Variants in RIMS1 observed in about 807,000 individuals in gnomAD.
RIMS1 encodes regulating synaptic membrane exocytosis protein 1.
RIMS1 carries 83 observed loss-of-function variants against 214.1 expected under a neutral mutation model. The observed-to-expected ratio is 0.39, with a 90% CI of 0.32 to 0.47. The LOEUF is 0.47. Among genes scored for constraint, RIMS1 ranks in the 20% least tolerant of loss-of-function variants. The pLI, the probability that RIMS1 is intolerant of heterozygous loss-of-function variation, is 0.99. For missense variants in RIMS1, 2,050 were observed against 2,161.8 expected (o/e 0.95, Z 1.03); for synonymous variants, 793 against 786.8 (o/e 1.01, Z -0.13).
intron 1 of RIMS1, among the ~76,000 whole-genome samples, chr6:71,936,200 G>A (rs1293028199): frequency 6.6e-6 from 1 of 151,302 alleles, no homozygotes; most frequent in Non-Finnish European, 1.5e-5. Flanking sequence ...GGTAGCGGGC[G>A]CCTGTAGTCC....
chr6:72,057,632 G>C (rs1001085227), intron 2 of RIMS1, among the ~76,000 whole-genome samples: 1 of 151,042 alleles, frequency 6.6e-6, no homozygotes, highest in Non-Finnish European at 1.5e-5. Context: ...TTCAGCCTCC[G>C]GAGTAGCTGG....
At chr6:72,330,313 GAAA>G (rs993972296) in intron 28 of RIMS1, among the ~76,000 whole-genome samples, 1 of 151,342 alleles carries the variant, frequency 6.6e-6, no homozygotes, top group East Asian at 2.0e-4. Context: ...AATTACTTCA[GAAA>G]AAAATAGGAG....
At chr6:72,212,015 A>G (rs1462515628) in intron 6 of RIMS1, among the ~76,000 whole-genome samples, 1 of 152,106 alleles carries the variant, frequency 6.6e-6, no homozygotes, top group East Asian at 1.9e-4. Flanking sequence ...GCATATGAAT[A>G]TTATTTAGGA....
At chr6:72,018,132 G>A (rs1396356616) in intron 2 of RIMS1, among the ~76,000 whole-genome samples, 1 of 151,394 alleles carries the variant, frequency 6.6e-6, no homozygotes, top group Non-Finnish European at 1.5e-5. Context: ...CTAGAAACAA[G>A]GATATTACTT....
At position 72,250,432 on chromosome 6, in the gene RIMS1, G is replaced by A. The variant is rs1296199869; in HGVS notation, c.2344G>A (p.Val782Ile). The change falls in exon 13 of 34, where the codon GTA becomes ATA. Residue 782 changes from valine to isoleucine, a missense_variant. This residue lies in a region of RIMS1 where 889 missense variants were observed against 885.5 expected (regional missense o/e 1.00). Coordinates refer to ENST00000521978, the MANE Select transcript of RIMS1 (RefSeq NM_014989.7). ...AGATGGACGTCCTCGAAATCCCTAT[G>A]TAAAAATGTATTTTCTTCCAGATAG... ...RVDGRPRNPYVKMYFLPDRSD... is the reference protein window; with the variant it reads ...RVDGRPRNPYIKMYFLPDRSD... The A allele has an allele frequency of 3.1e-6, 5 of 1,597,772 alleles. No homozygotes were observed. The highest frequency in any genetic ancestry group is 4.3e-6 in the Non-Finnish European group (5 of 1,169,484).
At chr6:72,114,089 C>T (rs1159809491) in intron 4 of RIMS1, among the ~76,000 whole-genome samples, 2 of 152,058 alleles carry the variant, frequency 1.3e-5, no homozygotes, top group Middle Eastern at 3.4e-3. Flanking sequence ...TGTAGAAACT[C>T]ATTGTTGAAC....
chr6:72,371,062 C>T (rs1307974863), intron 29 of RIMS1, among the ~76,000 whole-genome samples: 1 of 152,082 alleles, frequency 6.6e-6, no homozygotes, highest in Non-Finnish European at 1.5e-5. Context: ...TATTTGTCAA[C>T]TCTGATCAAA....
intron 27 of RIMS1, among the ~76,000 whole-genome samples, chr6:72,311,529 T>G (rs1302833257): frequency 6.6e-6 from 1 of 152,180 alleles, no homozygotes; most frequent in Non-Finnish European, 1.5e-5. Flanking sequence ...ATAGCTCAGT[T>G]TAGATATAAT....
rs753599872 is a variant in RIMS1, at chr6:72,313,597, G to A, written c.4055G>A (p.Arg1352Gln). ...GTCAGTGATGTTTCCGCCATTTCCC[G>A]AACCAGCAGTGCCTCACGCCTCAGC... ...SDVSDVSAIS[R>Q]TSSASRLSST... The change falls in exon 28 of 34, where the codon CGA (arginine) becomes CAA (glutamine). Residue 1352 changes from arginine (R) to glutamine (Q), a missense_variant. Arg to Gln is a conservative substitution (Grantham distance 43). Transcript: ENST00000521978. 18 of 1,613,504 alleles carry A rather than the reference G, an allele frequency of 1.1e-5. No homozygotes were observed. Among genetic ancestry groups the A allele is most frequent in the East Asian group, 4.5e-5 (2 of 44,880 alleles).
intron 28 of RIMS1, among the ~76,000 whole-genome samples, chr6:72,327,423 G>C (rs1243087788): frequency 6.6e-6 from 1 of 151,604 alleles, no homozygotes; most frequent in Non-Finnish European, 1.5e-5. Flanking sequence ...CAGTTGATGG[G>C]CATTTGTTTT....
intron 1 of RIMS1, among the ~76,000 whole-genome samples, chr6:71,933,114 G>A (rs1404635408): frequency 6.6e-6 from 1 of 152,148 alleles, no homozygotes; most frequent in Non-Finnish European, 1.5e-5. Flanking sequence ...GAATGGGAGA[G>A]TGGGGAGTAA....
chr6:72,067,806 A>G (rs1235688189), intron 2 of RIMS1, among the ~76,000 whole-genome samples: 2 of 152,224 alleles, frequency 1.3e-5, no homozygotes, highest in African/African-American at 4.8e-5. Context: ...CTCTTTTCCA[A>G]TGATACACAT....
intron 26 of RIMS1, among the ~76,000 whole-genome samples, chr6:72,293,481 T>G (rs2093693012): frequency 6.6e-6 from 1 of 151,938 alleles, no homozygotes; most frequent in Non-Finnish European, 1.5e-5. Context: ...TATCTATTCA[T>G]GAGCTCCTGT....
chr6:72,253,964 C>G (rs565488740), intron 16 of RIMS1, among the ~76,000 whole-genome samples: 34 of 152,248 alleles, frequency 2.2e-4, no homozygotes, highest in African/African-American at 8.2e-4. Flanking sequence ...CTCCCAGGTT[C>G]GAGTGATTCT....
At position 72,111,076 on chromosome 6, in the gene RIMS1, A is replaced by T. The variant is rs564194589; in HGVS notation, c.471+11090A>T. ...TGATGAGTCTGTTTTGGATGTCTTTAATGTTTCCTTGTATTCAAGATAAAA... is the reference window on the plus strand; with the variant it reads ...TGATGAGTCTGTTTTGGATGTCTTTTATGTTTCCTTGTATTCAAGATAAAA... On this transcript the variant is annotated intron_variant, in intron 4 of 33. Transcript: ENST00000521978. 4.6e-5 allele frequency among the ~76,000 whole-genome samples: 7 copies of T among 152,306 alleles called. 1 individual carries two copies. The highest frequency in any genetic ancestry group is 1.7e-4 in the African/African-American group (7 of 41,584).
chr6:72,401,012 C>A lies in RIMS1; in HGVS notation c.*298C>A. The A allele has an allele frequency of 3.5e-6, 1 of 286,226 alleles. No individual in the cohort carries two copies. Among genetic ancestry groups the A allele is most frequent in the East Asian group, 6.5e-5 (1 of 15,274 alleles). The allele number at this position is 286,226 out of a possible 1,614,324, so 17.7% of individuals were successfully genotyped here. A position where few individuals can be genotyped will look rare whatever the true frequency, so the allele number is the denominator to read the frequency against. Reference sequence around the variant, plus strand: ...GCATACACGTACACACACACATGCACACACACACACACCAAATTGAACAAA... The same window carrying A: ...GCATACACGTACACACACACATGCAAACACACACACACCAAATTGAACAAA... On this transcript the variant is annotated 3_prime_UTR_variant, in exon 34 of 34. Transcript: ENST00000521978.
chr6:72,339,855 G>A (rs2096987673), intron 29 of RIMS1, among the ~76,000 whole-genome samples: 1 of 151,584 alleles, frequency 6.6e-6, no homozygotes, highest in South Asian at 2.1e-4. Context: ...CTGAGGAATT[G>A]CCACACTGAC....
intron 29 of RIMS1, 148 bp downstream of exon 29, chr6:72,333,983 A>C (rs1564182501): frequency 3.1e-6 from 2 of 636,084 alleles, no homozygotes; most frequent in Non-Finnish European, 5.5e-6. Context: ...AAATCTGCTA[A>C]ATTTATGGGT....
chr6:72,112,586 C>T (rs555899718), intron 4 of RIMS1, among the ~76,000 whole-genome samples: 2 of 152,232 alleles, frequency 1.3e-5, no homozygotes, highest in East Asian at 3.9e-4. Flanking sequence ...CTAAACAAAG[C>T]CCTGCCTCAG....
Sources: allele counts gnomAD v4.1 joint callset (sites outside exome capture counted in the v4.1 genomes callset), GRCh38; gene constraint gnomAD v4.1.1; regional missense constraint gnomAD v4.1.1; transcripts MANE v1.5; gene names NCBI Gene and HGNC (gene_info 2026-07-23, HGNC 2026-07-21).